UACA: variants seen among roughly 807,000 people sequenced by gnomAD.
UACA encodes nuclear membrane binding protein.
UACA carries 112 observed loss-of-function variants against 160.5 expected under a neutral mutation model. That is an observed-to-expected ratio of 0.70 (90% CI 0.60 to 0.82). The LOEUF is 0.82. UACA is among the 40% of genes least tolerant of loss of function. The pLI is 0.00. For missense variants in UACA, 1,574 were observed against 1,614.6 expected, an observed-to-expected ratio of 0.97 and a Z score of 0.43; for synonymous variants, 557 against 568.4, an observed-to-expected ratio of 0.98 and a Z score of 0.29.
the UACA span, among the ~76,000 whole-genome samples, chr15:70,769,827 T>A: frequency 6.6e-6 from 1 of 152,050 alleles, no homozygotes. Context: ...TGAAACCCCA[T>A]CTCTACTAAA....
chr15:70,671,060 C>T lies in UACA; in HGVS notation c.1200G>A (p.Gln400=). Residue 400 remains glutamine (Q), a synonymous_variant, in exon 15 of 19, where the codon CAG becomes CAA. Coordinates refer to ENST00000322954, the MANE Select transcript of UACA (RefSeq NM_018003.4). The stretch of plus-strand genomic sequence containing the variant: ...TTACCTGTGAGTCTGCCATATACAT[C>T]TGACCTTGTTTAAGAAGCATATCTT... ...RKEDMLLKQG[Q]MYMADSQCTS... 2 of 1,589,760 alleles carry T rather than the reference C, an allele frequency of 1.3e-6. No homozygotes were observed. Among genetic ancestry groups the T allele is most frequent in the Non-Finnish European group, 1.7e-6 (2 of 1,168,072 alleles).
intron 1 of UACA, among the ~76,000 whole-genome samples, chr15:70,718,680 T>G (rs1328669235): frequency 6.6e-6 from 1 of 152,108 alleles, no homozygotes; most frequent in Non-Finnish European, 1.5e-5. Flanking sequence ...TTTGTTATCT[T>G]GAGAAGCCAC....
chr15:70,743,177 GA>G (rs1174146352), intron 1 of UACA, among the ~76,000 whole-genome samples: 3 of 152,168 alleles, frequency 2.0e-5, no homozygotes, highest in Non-Finnish European at 2.9e-5. Flanking sequence ...CCAGCAACAG[GA>G]AAAGTCCTTC....
rs1292538395 is a variant in UACA, at chr15:70,654,948, TG to T, written c.*2107del. ...GGTGAGTGAATGAGACAAGATTAGT[TG>T]AAGGAAGTACTTGATATTTTACTCC... On this transcript the variant is annotated 3_prime_UTR_variant, in exon 19 of 19. Coordinates refer to ENST00000322954, the MANE Select transcript of UACA (RefSeq NM_018003.4). 6.6e-6 allele frequency: 1 copy of T among 152,250 alleles called. No individual in the cohort carries two copies. The highest frequency in any genetic ancestry group is 1.5e-5 in the Non-Finnish European group (1 of 68,046). The allele number at this position is 152,250 out of a possible 1,614,324, so 9.4% of individuals were successfully genotyped here. A position where few individuals can be genotyped will look rare whatever the true frequency, so the allele number is the denominator to read the frequency against.
chr15:70,724,613 C>A (rs1298865216), intron 1 of UACA, among the ~76,000 whole-genome samples: 1 of 152,018 alleles, frequency 6.6e-6, no homozygotes, highest in Non-Finnish European at 1.5e-5. Flanking sequence ...AACAATCACT[C>A]GCTAAAAGGT....
intron 8 of UACA, 36 bp from the exon 9 acceptor site, chr15:70,682,831 C>A (rs1455694209): frequency 4.0e-6 from 6 of 1,514,080 alleles, no homozygotes; most frequent in Non-Finnish European, 5.3e-6. Context: ...AACAAAATGG[C>A]AGGTTAACTT....
chr15:70,749,946 G>A (rs2029938861), intron 1 of UACA, among the ~76,000 whole-genome samples: 1 of 152,232 alleles, frequency 6.6e-6, no homozygotes, highest in South Asian at 2.1e-4. Flanking sequence ...CCCTCTTACA[G>A]CGTAATTACC....
intron 3 of UACA, among the ~76,000 whole-genome samples, chr15:70,693,386 G>C (rs951607728): frequency 1.3e-5 from 2 of 151,918 alleles, no homozygotes; most frequent in Non-Finnish European, 2.9e-5. Flanking sequence ...TTTGAAATCT[G>C]GTCATTTTAA....
At chr15:70,677,449 G>T (rs1033839946) in intron 11 of UACA, among the ~76,000 whole-genome samples, 2 of 152,030 alleles carry the variant, frequency 1.3e-5, no homozygotes, top group African/African-American at 2.4e-5. Flanking sequence ...TCAGCCTTTT[G>T]CTTTTGCATA....
chr15:70,727,925 C>G (rs1359777738), intron 1 of UACA, among the ~76,000 whole-genome samples: 4 of 152,146 alleles, frequency 2.6e-5, no homozygotes, highest in African/African-American at 9.7e-5. Context: ...CTTCACAGAG[C>G]AGCTCAAAGT....
chr15:70,693,766 AC>A (rs1328446693), intron 3 of UACA, among the ~76,000 whole-genome samples: 1 of 151,772 alleles, frequency 6.6e-6, no homozygotes, highest in Non-Finnish European at 1.5e-5. Flanking sequence ...CAAGAAAGAT[AC>A]CTGTTTGAAT....
chr15:70,740,911 C>T (rs1309435279), intron 1 of UACA, among the ~76,000 whole-genome samples: 5 of 151,862 alleles, frequency 3.3e-5, no homozygotes, highest in Admixed American at 2.0e-4. Context: ...TCGTGGTGGG[C>T]GCCTGTAGCC....
chr15:70,768,101 G>C (rs2031059460), upstream of UACA: 1 of 152,212 alleles, frequency 6.6e-6, no homozygotes, highest in Non-Finnish European at 1.5e-5. Context: ...GAAAGAAGAT[G>C]GTGTCTGCTC....
At chr15:70,772,295 C>A in the UACA span, among the ~76,000 whole-genome samples, 1 of 151,674 alleles carries the variant, frequency 6.6e-6, no homozygotes, top group Non-Finnish European at 1.5e-5. Flanking sequence ...AGATCGAGAC[C>A]ATCCTGGCTA....
chr15:70,687,576 C>T lies in UACA; in HGVS notation c.566G>A (p.Arg189Lys). 1 of 1,613,920 alleles carries T rather than the reference C, an allele frequency of 6.2e-7. No individual in the cohort carries two copies. The highest frequency in any genetic ancestry group is 8.5e-7 in the Non-Finnish European group (1 of 1,179,848). ...RPTICQLLID[R>K]GADVNSRDKQ... ...GTCTCTGGAATTAACATCCGCTCCT[C>T]TATCTATCAGCAGTTGACATATTGT... is the stretch of plus-strand genomic sequence containing the variant. Residue 189 changes from arginine (R) to lysine (K), a missense_variant, in exon 7 of 19, where the codon AGA becomes AAA. By Grantham distance (26) the Arg-to-Lys change is conservative. Coordinates refer to ENST00000322954, the MANE Select transcript of UACA (RefSeq NM_018003.4).
At chr15:70,692,478 T>C (rs1267405581) in intron 3 of UACA, among the ~76,000 whole-genome samples, 1 of 152,126 alleles carries the variant, frequency 6.6e-6, no homozygotes, top group Non-Finnish European at 1.5e-5. Flanking sequence ...CTTCTTAAAA[T>C]ATAATTTGGG....
At chr15:70,717,206 A>T (rs1233966467) in intron 1 of UACA, among the ~76,000 whole-genome samples, 1 of 152,202 alleles carries the variant, frequency 6.6e-6, no homozygotes, top group Non-Finnish European at 1.5e-5. Context: ...GAGCAACAAG[A>T]GCAAAACTCT....
upstream of UACA, among the ~76,000 whole-genome samples, chr15:70,765,397 A>G (rs564838687): frequency 6.6e-6 from 1 of 152,300 alleles, no homozygotes; most frequent in South Asian, 2.1e-4. Context: ...TTATGCTTTA[A>G]CAAAAAGTTT....
At chr15:70,746,558 T>A (rs938959270) in intron 1 of UACA, among the ~76,000 whole-genome samples, 8 of 152,162 alleles carry the variant, frequency 5.3e-5, no homozygotes, top group Non-Finnish European at 2.9e-5. Flanking sequence ...GTTCAACCAT[T>A]GTGGAAGACA....
Sources: allele counts gnomAD v4.1 joint callset (sites outside exome capture counted in the v4.1 genomes callset), GRCh38; gene constraint gnomAD v4.1.1; transcripts MANE v1.5; gene names NCBI Gene and HGNC (gene_info 2026-07-23, HGNC 2026-07-21).